SMYD3: variants seen among roughly 807,000 people sequenced by gnomAD.
SMYD3 encodes the protein histone-lysine N-methyltransferase SMYD3.
A neutral mutation model predicts 57.7 loss-of-function variants in SMYD3; 36 were observed. The ratio of observed to expected loss-of-function variants is 0.62; its 90% CI spans 0.48 to 0.82. The LOEUF is 0.82. Among genes scored for constraint, SMYD3 ranks in the 40% least tolerant of loss-of-function variants. The probability of loss-of-function intolerance (pLI) is 0.00; values close to 1 mark genes in which losing one functional copy is unlikely to be tolerated. For missense variants in SMYD3, 515 were observed against 538.8 expected, an observed-to-expected ratio of 0.96 and a Z score of 0.44; for synonymous variants, 211 against 195.0, an observed-to-expected ratio of 1.08 and a Z score of -0.68.
intron 7 of SMYD3, among the ~76,000 whole-genome samples, chr1:245,922,692 T>G (rs564690950): frequency 3.3e-5 from 5 of 152,132 alleles, no homozygotes; most frequent in African/African-American, 1.2e-4. Flanking sequence ...AAAATCACTA[T>G]GTAGTAAGCA....
chr1:246,262,254 A>G (rs1266392188), intron 5 of SMYD3, among the ~76,000 whole-genome samples: 3 of 152,220 alleles, frequency 2.0e-5, no homozygotes, highest in Admixed American at 1.3e-4. Flanking sequence ...CAGGCAGAAT[A>G]AAGCAAATAG....
intron 5 of SMYD3, among the ~76,000 whole-genome samples, chr1:246,240,523 A>G (rs1046478457): frequency 2.0e-5 from 3 of 151,958 alleles, no homozygotes; most frequent in East Asian, 1.9e-4. Context: ...GTCAGGTAGC[A>G]TGATGCCTCC....
chr1:246,293,332 C>T (rs891420883), intron 5 of SMYD3, among the ~76,000 whole-genome samples: 24 of 152,162 alleles, frequency 1.6e-4, no homozygotes, highest in African/African-American at 5.6e-4. Flanking sequence ...GGATGTTTTG[C>T]TGGCACCCTA....
At chr1:246,093,352 ATACG>A (rs2060853870) in intron 5 of SMYD3, among the ~76,000 whole-genome samples, 1 of 152,228 alleles carries the variant, frequency 6.6e-6, no homozygotes, top group African/African-American at 2.4e-5. Flanking sequence ...AACAGTCAAG[ATACG>A]TAACCAACCT....
chr1:245,913,741 A>G (rs2055194150), intron 8 of SMYD3, among the ~76,000 whole-genome samples: 1 of 152,224 alleles, frequency 6.6e-6, no homozygotes, highest in African/African-American at 2.4e-5. Flanking sequence ...AGGAACTAAT[A>G]TCCAGAATAT....
At chr1:246,098,773 A>G (rs1028589729) in intron 5 of SMYD3, among the ~76,000 whole-genome samples, 1 of 152,040 alleles carries the variant, frequency 6.6e-6, no homozygotes, top group Non-Finnish European at 1.5e-5. Flanking sequence ...TTTCAAAAAC[A>G]TAATTATTAT....
chr1:245,894,388 G>A (rs1463928515), intron 8 of SMYD3, among the ~76,000 whole-genome samples: 1 of 152,030 alleles, frequency 6.6e-6, no homozygotes, highest in Non-Finnish European at 1.5e-5. Context: ...ATAAAACCTG[G>A]CCACCCCAAC....
At chr1:246,224,532 C>T (rs1387447423) in intron 5 of SMYD3, among the ~76,000 whole-genome samples, 1 of 151,086 alleles carries the variant, frequency 6.6e-6, no homozygotes. Context: ...TAATGGAAGT[C>T]GATGGAAGGT....
chr1:246,479,010 G>A (rs1487988572), intron 1 of SMYD3, among the ~76,000 whole-genome samples: 1 of 150,996 alleles, frequency 6.6e-6, no homozygotes. Flanking sequence ...GCTCATATAT[G>A]TACACCTGTC....
At chr1:246,072,000 G>T (rs1208577952) in intron 5 of SMYD3, among the ~76,000 whole-genome samples, 568 of 55,000 alleles carry the variant, frequency 0.01, 27 homozygotes, top group East Asian at 0.031. Flanking sequence ...GCTCACTGTG[G>T]ATGCATCGTG....
chr1:246,049,889 A>C (rs2060038063), intron 5 of SMYD3, among the ~76,000 whole-genome samples: 1 of 152,346 alleles, frequency 6.6e-6, no homozygotes, highest in Non-Finnish European at 1.5e-5. Context: ...TACCACTTCA[A>C]TAGCCCACTA....
intron 5 of SMYD3, among the ~76,000 whole-genome samples, chr1:246,262,173 G>A (rs2064024059): frequency 6.6e-6 from 1 of 152,200 alleles, no homozygotes. Context: ...AGATATAGAA[G>A]AGTGTATGAT....
chr1:246,318,248 T>C (rs1337398280), intron 5 of SMYD3, among the ~76,000 whole-genome samples: 2 of 152,106 alleles, frequency 1.3e-5, no homozygotes, highest in Non-Finnish European at 2.9e-5. Flanking sequence ...TAGCAAGGCA[T>C]GGTGGCACAC....
rs183861051 is a variant in SMYD3, at chr1:245,907,720, C to T, written c.813+7810G>A. Among the ~76,000 whole-genome samples the T allele has an allele frequency of 2.5e-3, 375 of 152,296 alleles. 2 individuals carry two copies. The highest frequency in any genetic ancestry group is 8.6e-3 in the African/African-American group (356 of 41,568). ...AGTCCTCTCATATAAATAACCATAACTGTAAATGGTTTAAATTCCCCCAAT... is the reference window on the plus strand; with the variant it reads ...AGTCCTCTCATATAAATAACCATAATTGTAAATGGTTTAAATTCCCCCAAT... On this transcript the variant is annotated intron_variant, in intron 8 of 11. Coordinates refer to ENST00000490107, the MANE Select transcript of SMYD3 (RefSeq NM_001167740.2).
At chr1:246,185,252 T>C (rs533891633) in intron 5 of SMYD3, among the ~76,000 whole-genome samples, 28 of 152,254 alleles carry the variant, frequency 1.8e-4, no homozygotes, top group African/African-American at 6.7e-4. Context: ...ATTCCTTTTT[T>C]TTGGAGGCAG....
rs2062936374 is a variant in SMYD3, at chr1:246,202,434, T to C, written c.531+124767A>G. ...TTTTCCAACCAAGTCAGAGGACTCC[T>C]GCTACTGCAAACCCCAGGCTGGGCC... On this transcript the variant is annotated intron_variant, in intron 5 of 11. Coordinates refer to ENST00000490107, the MANE Select transcript of SMYD3 (RefSeq NM_001167740.2). The surrounding 1 kb of genome is among the most constrained non-coding windows in gnomAD (Gnocchi z 4.1). 1.3e-5 allele frequency among the ~76,000 whole-genome samples: 2 copies of C among 152,194 alleles called. No individual in the cohort carries two copies. Among genetic ancestry groups the C allele is most frequent in the South Asian group, 4.1e-4 (2 of 4,824 alleles).
intron 1 of SMYD3, among the ~76,000 whole-genome samples, chr1:246,402,742 C>T (rs984505569): frequency 4.6e-5 from 7 of 152,170 alleles, no homozygotes; most frequent in African/African-American, 1.4e-4. Flanking sequence ...CACTGCTAAA[C>T]ACCTAAATAA....
At chr1:246,005,068 C>G (rs890366056) in intron 5 of SMYD3, among the ~76,000 whole-genome samples, 2 of 152,134 alleles carry the variant, frequency 1.3e-5, no homozygotes, top group South Asian at 2.1e-4. Context: ...ATGCTGGTCT[C>G]AAACTCCTGC....
At chr1:245,955,722 A>G (rs1471216538) in intron 5 of SMYD3, 1 of 154,742 alleles carries the variant, frequency 6.5e-6, no homozygotes. Flanking sequence ...GAGGTTCAGT[A>G]CTATCCATGG....
Sources: gnomAD v4.1 joint callset for allele counts (sites outside exome capture counted in the v4.1 genomes callset) on GRCh38, gnomAD v4.1.1 for gene constraint, Gnocchi (gnomAD v3.1) non-coding constraint, MANE v1.5 for transcripts, NCBI Gene and HGNC (gene_info 2026-07-23, HGNC 2026-07-21) for gene names.